RBP3: variants seen among roughly 807,000 people sequenced by gnomAD.
RBP3 encodes retinol-binding protein 3.
A neutral mutation model predicts 64.8 loss-of-function variants in RBP3; 50 were observed. That is an observed-to-expected ratio of 0.77 (90% CI 0.61 to 0.98). The LOEUF (loss-of-function observed/expected upper bound fraction) is 0.98. Among genes scored for constraint, RBP3 ranks in the 50% least tolerant of loss-of-function variants. The pLI, the probability that RBP3 is intolerant of heterozygous loss-of-function variation, is 0.00. For missense variants in RBP3, 1,712 were observed against 1,660.5 expected (o/e 1.03, Z -0.54); for synonymous variants, 828 against 730.2 (o/e 1.13, Z -2.16).
In RBP3 at chr10:47,349,347, C is replaced by G. The variant is rs917821437; in HGVS notation, c.863C>G (p.Pro288Arg). The change falls in exon 1 of 4, where the codon CCC becomes CGC. Residue 288 changes from proline (P) to arginine (R), a missense_variant. By Grantham distance (103) the Pro-to-Arg change is moderately radical (BLOSUM62 -2). Transcript: ENST00000584701. ...GTGCCCGTGTCCAGGTCCCTGGGGC[C>G]CCTTGGTGGAGGCAGCCAGACGTGG... ...FTVPVSRSLG[P>R]LGGGSQTWEG... 6.2e-7 allele frequency: 1 copy of G among 1,612,476 alleles called. No homozygotes were observed. Among genetic ancestry groups the G allele is most frequent in the Non-Finnish European group, 8.5e-7 (1 of 1,179,962 alleles).
chr10:47,350,569 G>A lies in RBP3; in HGVS notation c.2085G>A (p.Gly695=), dbSNP rs1555211409. 2 of 1,612,776 alleles carry A rather than the reference G, an allele frequency of 1.2e-6. No individual in the cohort carries two copies. Among genetic ancestry groups the A allele is most frequent in the African/African-American group, 2.7e-5 (2 of 74,904 alleles). Reference sequence around the variant, plus strand: ...CAGCAGACCTCCAGGAGGTGTCTGGGGACCACCGCTTGCTAGTGTTCCACA... The same window carrying A: ...CAGCAGACCTCCAGGAGGTGTCTGGAGACCACCGCTTGCTAGTGTTCCACA... ...QLTADLQEVS[G]DHRLLVFHSP... is the part of the protein sequence containing the mutation. The change falls in exon 1 of 4, where the codon GGG becomes GGA. Residue 695 remains glycine, a synonymous_variant. Transcript: ENST00000584701.
In RBP3 at chr10:47,350,909, C is replaced by A; in HGVS notation, c.2425C>A (p.Leu809Met). Residue 809 changes from leucine (L) to methionine (M), a missense_variant, in exon 1 of 4, where the codon CTG becomes ATG. Transcript: ENST00000584701. ...CTTTGAGGCAGAGCCCCGCCAGCACCTGTATTCTGTCTTTGACAGGGCCAC... is the reference window on the plus strand; with the variant it reads ...CTTTGAGGCAGAGCCCCGCCAGCACATGTATTCTGTCTTTGACAGGGCCAC... ...YFFEAEPRQH[L>M]YSVFDRATSK... 6.2e-7 allele frequency: 1 copy of A among 1,613,068 alleles called. No homozygotes were observed. The highest frequency in any genetic ancestry group is 8.5e-7 in the Non-Finnish European group (1 of 1,180,014).
chr10:47,350,769 C>T lies in RBP3; in HGVS notation c.2285C>T (p.Pro762Leu). Reference sequence around the variant, plus strand: ...CTGGAGACAGTGAAGGCCGTGGGGCCACAGCTGGTGCGGCTGGTATGGCAA... The same window carrying T: ...CTGGAGACAGTGAAGGCCGTGGGGCTACAGCTGGTGCGGCTGGTATGGCAA... ...AELETVKAVG[P>L]QLVRLVWQQL... The change falls in exon 1 of 4, where the codon CCA becomes CTA. Residue 762 changes from proline (P) to leucine (L), a missense_variant. Physicochemically the swap from Pro to Leu is moderately conservative, Grantham distance 98. Transcript: ENST00000584701. 1.2e-6 allele frequency: 2 copies of T among 1,613,170 alleles called. No individual in the cohort carries two copies. The highest frequency in any genetic ancestry group is 1.7e-6 in the Non-Finnish European group (2 of 1,180,024).
chr10:47,348,489 T>C lies in RBP3; in HGVS notation c.5T>C (p.Met2Thr), dbSNP rs927364838. 2 of 1,602,270 alleles carry C rather than the reference T, an allele frequency of 1.2e-6. No individual in the cohort carries two copies. The highest frequency in any genetic ancestry group is 2.2e-5 in the East Asian group (1 of 44,864). M[M>T]REWVLLMSVL... ...CAGGCCTCCCCCTGGGTCCCCATGATGAGAGAATGGGTTCTGCTCATGTCC... is the reference window on the plus strand; with the variant it reads ...CAGGCCTCCCCCTGGGTCCCCATGACGAGAGAATGGGTTCTGCTCATGTCC... Residue 2 changes from methionine to threonine, a missense_variant, in exon 1 of 4, where the codon ATG becomes ACG. Transcript: ENST00000584701.
Position 47,349,108 on chromosome 10 carries a change from G to T in RBP3, c.624G>T (p.Thr208=), listed in dbSNP as rs782811285. The part of the protein sequence containing the change: ...TIYNRPSNTT[T]EIWTLPQVLG... ...ACAACCGCCCCTCCAACACCACCAC[G>T]GAGATCTGGACCTTGCCCCAGGTCC... is the stretch of plus-strand genomic sequence containing the variant. The change falls in exon 1 of 4, where the codon ACG becomes ACT. Residue 208 remains threonine (T), a synonymous_variant. Transcript: ENST00000584701. 6.2e-7 allele frequency: 1 copy of T among 1,613,926 alleles called. No homozygotes were observed. Among genetic ancestry groups the T allele is most frequent in the African/African-American group, 1.3e-5 (1 of 74,922 alleles).
At position 47,349,343 on chromosome 10, in the gene RBP3, G is replaced by T. The variant is rs143324951; in HGVS notation, c.859G>T (p.Gly287Trp). 6.2e-7 allele frequency: 1 copy of T among 1,612,538 alleles called. No individual in the cohort carries two copies. Among genetic ancestry groups the T allele is most frequent in the East Asian group, 2.2e-5 (1 of 44,872 alleles). Reference protein sequence around the residue: ...FFTVPVSRSLGPLGGGSQTWE... With the variant: ...FFTVPVSRSLWPLGGGSQTWE... ...CACGGTGCCCGTGTCCAGGTCCCTG[G>T]GGCCCCTTGGTGGAGGCAGCCAGAC... The change falls in exon 1 of 4, where the codon GGG becomes TGG. Residue 287 changes from glycine (G) to tryptophan (W), a missense_variant. By Grantham distance (184) the Gly-to-Trp change is radical. Transcript: ENST00000584701.
At chr10:47,355,067 A>C (rs782714391) in intron 2 of RBP3, among the ~76,000 whole-genome samples, 2 of 152,162 alleles carry the variant, frequency 1.3e-5, no homozygotes, top group African/African-American at 2.4e-5. Flanking sequence ...TAAATGGGGG[A>C]AATTTATCAA....
At chr10:47,355,626 C>A in intron 3 of RBP3, 108 bp downstream of exon 3, 1 of 1,398,102 alleles carries the variant, frequency 7.2e-7, no homozygotes, top group Non-Finnish European at 1.0e-6. Context: ...GAATGTAAGG[C>A]CCTGTCCTAG....
rs11598079 is a variant in RBP3 at position 47,348,747 on chromosome 10, T to A, written c.263T>A (p.Val88Asp). Residue 88 changes from valine to aspartate, a missense_variant, in exon 1 of 4, where the codon GTC (valine) becomes GAC (aspartate). Coordinates refer to ENST00000584701, the MANE Select transcript of RBP3 (RefSeq NM_002900.3). The part of the protein sequence containing the change: ...VQSSLNDPRL[V>D]ISYEPSTPEP... ...AGCTCCCTGAACGATCCTCGCCTGG[T>A]CATCTCCTATGAGCCCAGCACCCCC... The A allele has an allele frequency of 6.2e-7, 1 of 1,613,548 alleles. No homozygotes were observed. The highest frequency in any genetic ancestry group is 1.1e-5 in the South Asian group (1 of 91,082).
rs782114820 is a variant in RBP3 at position 47,351,015 on chromosome 10, T to A, written c.2531T>A (p.Met844Lys). The change falls in exon 1 of 4, where the codon ATG becomes AAG. Residue 844 changes from methionine to lysine, a missense_variant. Transcript: ENST00000584701. ...YGSHKDLYIL[M>K]SHTSGSAAEA... is the part of the protein sequence containing the mutation. Reference sequence around the variant, plus strand: ...TCACACAAGGACCTCTACATCCTGATGAGCCACACCAGTGGCTCTGCGGCC... The same window carrying A: ...TCACACAAGGACCTCTACATCCTGAAGAGCCACACCAGTGGCTCTGCGGCC... 1 of 1,610,940 alleles carries A rather than the reference T, an allele frequency of 6.2e-7. No homozygotes were observed. Among genetic ancestry groups the A allele is most frequent in the Non-Finnish European group, 8.5e-7 (1 of 1,179,910 alleles).
chr10:47,355,480 A>G lies in RBP3; in HGVS notation c.3350A>G (p.Asp1117Gly). Residue 1117 changes from aspartate (D) to glycine (G), a missense_variant, in exon 3 of 4, where the codon GAC (aspartate) becomes GGC (glycine). Physicochemically the swap from Asp to Gly is moderately conservative, Grantham distance 94. Coordinates refer to ENST00000584701, the MANE Select transcript of RBP3 (RefSeq NM_002900.3). ...LLDKIYSRPD[D>G]SVSELWTHAQ... ...GACAAGATCTACAGCCGGCCTGATGACTCTGTCAGTGAACTCTGGACACAC... is the reference window on the plus strand; with the variant it reads ...GACAAGATCTACAGCCGGCCTGATGGCTCTGTCAGTGAACTCTGGACACAC... 2 of 1,613,968 alleles carry G rather than the reference A, an allele frequency of 1.2e-6. No individual in the cohort carries two copies. Among genetic ancestry groups the G allele is most frequent in the Non-Finnish European group, 1.7e-6 (2 of 1,179,978 alleles).
rs782472393 is a variant in RBP3, at chr10:47,348,657, G to A, written c.173G>A (p.Ser58Asn). The change falls in exon 1 of 4, where the codon AGC (serine) becomes AAC (asparagine). Residue 58 changes from serine to asparagine, a missense_variant. Coordinates refer to ENST00000584701, the MANE Select transcript of RBP3 (RefSeq NM_002900.3). ...GAAGCCATCCAGCAGGCCATCAAGA[G>A]CCATGAGATTCTGAGCATCTCAGAC... Reference protein sequence around the residue: ...MQEAIQQAIKSHEILSISDPQ... With the variant: ...MQEAIQQAIKNHEILSISDPQ... 3 of 1,613,564 alleles carry A rather than the reference G, an allele frequency of 1.9e-6. No homozygotes were observed. The highest frequency in any genetic ancestry group is 1.1e-5 in the South Asian group (1 of 91,082).
chr10:47,348,834 T>C lies in RBP3; in HGVS notation c.350T>C (p.Leu117Pro). The change falls in exon 1 of 4, where the codon CTG becomes CCG. Residue 117 changes from leucine (L) to proline (P), a missense_variant. By Grantham distance (98) the Leu-to-Pro change is moderately conservative (BLOSUM62 -3). Transcript: ENST00000584701. ...SLSEEELLAW[L>P]QRGLRHEVLE... is the part of the protein sequence containing the mutation. The stretch of plus-strand genomic sequence containing the variant: ...TCAGAAGAGGAACTGCTTGCCTGGC[T>C]GCAAAGGGGCCTCCGCCATGAGGTT... 1 of 1,613,870 alleles carries C rather than the reference T, an allele frequency of 6.2e-7. No individual in the cohort carries two copies.
chr10:47,356,686 T>G (rs1555211996), intron 3 of RBP3, among the ~76,000 whole-genome samples: 1 of 152,250 alleles, frequency 6.6e-6, no homozygotes, highest in African/African-American at 2.4e-5. Flanking sequence ...TGGCTCACGT[T>G]GCATTCCTGT....
rs955233517 is a variant in RBP3, at chr10:47,351,285, G to A, written c.2801G>A (p.Arg934His). 4.3e-6 allele frequency: 7 copies of A among 1,613,492 alleles called. No individual in the cohort carries two copies. Among genetic ancestry groups the A allele is most frequent in the South Asian group, 1.1e-5 (1 of 91,090 alleles). Reference sequence around the variant, plus strand: ...ATAGCCCAGGACATAGTGGCTCTGCGTGCCAAGGTGCCCACGGTGCTGCAG... The same window carrying A: ...ATAGCCCAGGACATAGTGGCTCTGCATGCCAAGGTGCCCACGGTGCTGCAG... ...LSIAQDIVAL[R>H]AKVPTVLQTA... The change falls in exon 1 of 4, where the codon CGT (arginine) becomes CAT (histidine). Residue 934 changes from arginine to histidine, a missense_variant. By Grantham distance (29) the Arg-to-His change is conservative. Transcript: ENST00000584701.
Position 47,349,455 on chromosome 10 carries a change from G to A in RBP3, c.971G>A (p.Ser324Asn). 2 of 1,612,590 alleles carry A rather than the reference G, an allele frequency of 1.2e-6. No homozygotes were observed. Among genetic ancestry groups the A allele is most frequent in the Non-Finnish European group, 1.7e-6 (2 of 1,179,998 alleles). ...GCCCTGGCCATCCTCACTCTGCGCA[G>A]CGCCCTTCCAGGGGTAGTCCACTGC... ...EKALAILTLRSALPGVVHCLQ... is the reference protein window; with the variant it reads ...EKALAILTLRNALPGVVHCLQ... The change falls in exon 1 of 4, where the codon AGC (serine) becomes AAC (asparagine). Residue 324 changes from serine to asparagine, a missense_variant. Transcript: ENST00000584701.
rs377025812 is a variant in RBP3 at position 47,349,240 on chromosome 10, C to T, written c.756C>T (p.Ala252=). 8.7e-6 allele frequency: 14 copies of T among 1,613,274 alleles called. No individual in the cohort carries two copies. The highest frequency in any genetic ancestry group is 1.7e-5 in the Admixed American group (1 of 60,014). The change falls in exon 1 of 4, where the codon GCC becomes GCT. Residue 252 remains alanine (A), a synonymous_variant. Coordinates refer to ENST00000584701, the MANE Select transcript of RBP3 (RefSeq NM_002900.3). ...IAHILKQMRR[A]IVVGERTGGG... is the part of the protein sequence containing the mutation. ...ACATCCTTAAGCAGATGCGCAGGGC[C>T]ATCGTGGTGGGCGAGCGGACTGGGG...
rs782199039 is a variant in RBP3, at chr10:47,355,536, C to T, written c.3388+18C>T. The T allele has an allele frequency of 6.2e-7, 1 of 1,614,098 alleles. No individual in the cohort carries two copies. The highest frequency in any genetic ancestry group is 8.5e-7 in the Non-Finnish European group (1 of 1,180,010). ...GGTTGTAGGTACGTGGAGAAGCTTT[C>T]TCCTTTCTGCTGTCATTCTAGAAGC... On this transcript the variant is annotated intron_variant, in intron 3 of 3. Transcript: ENST00000584701.
chr10:47,349,700 G>A lies in RBP3; in HGVS notation c.1216G>A (p.Glu406Lys), dbSNP rs576373730. The part of the protein sequence containing the change: ...PSWPAPDAAA[E>K]DSPGVAPELP... Reference sequence around the variant, plus strand: ...TTGGCCCGCGCCCGACGCTGCAGCCGAAGACTCACCAGGGGTGGCCCCAGA... The same window carrying A: ...TTGGCCCGCGCCCGACGCTGCAGCCAAAGACTCACCAGGGGTGGCCCCAGA... Residue 406 changes from glutamate to lysine, a missense_variant, in exon 1 of 4, where the codon GAA (glutamate) becomes AAA (lysine). Coordinates refer to ENST00000584701, the MANE Select transcript of RBP3 (RefSeq NM_002900.3). 43 of 1,611,658 alleles carry A rather than the reference G, an allele frequency of 2.7e-5. No homozygotes were observed. The East Asian group carries it at 8.5e-4, about 32-fold the overall frequency.
Sources: gnomAD v4.1 joint callset for allele counts (sites outside exome capture counted in the v4.1 genomes callset) on GRCh38, gnomAD v4.1.1 for gene constraint, MANE v1.5 for transcripts, NCBI Gene and HGNC (gene_info 2026-07-23, HGNC 2026-07-21) for gene names.